SEM1: variants seen among roughly 807,000 people sequenced by gnomAD.
SEM1 encodes the protein 26S proteasome complex subunit SEM1.
In SEM1, 3 loss-of-function variants were observed where a neutral mutation model predicts 12.7. The observed-to-expected ratio is 0.24, with a 90% CI of 0.11 to 0.61. The LOEUF (loss-of-function observed/expected upper bound fraction) is 0.61, where lower values mean the gene tolerates loss of function less well. SEM1 is among the 20% of genes least tolerant of loss of function. SEM1 has a pLI of 0.88. For synonymous variants in SEM1, 30 were observed against 27.8 expected, an observed-to-expected ratio of 1.08 and a Z score of -0.25; for missense variants, 59 against 81.3, an observed-to-expected ratio of 0.73 and a Z score of 1.06.
intron 2 of SEM1, among the ~76,000 whole-genome samples, chr7:96,579,821 G>T (rs1006399806): frequency 1.3e-5 from 2 of 152,106 alleles, no homozygotes; most frequent in African/African-American, 4.8e-5. Flanking sequence ...TTGAGCTATA[G>T]CCACCTAAGA....
chr7:96,582,435 T>G (rs1326379362), intron 2 of SEM1, among the ~76,000 whole-genome samples: 1 of 150,538 alleles, frequency 6.6e-6, no homozygotes, highest in Non-Finnish European at 1.5e-5. Context: ...AAAATTCTCT[T>G]TTTTGGTTGT....
In SEM1 at chr7:96,533,267, A is replaced by G. The variant is rs563672754; in HGVS notation, c.171-26569T>C. Among the ~76,000 whole-genome samples, 4 of 152,088 alleles carry G rather than the reference A, an allele frequency of 2.6e-5. No homozygotes were observed. In the South Asian group the frequency reaches 8.3e-4, roughly 32 times the overall value. ...TGTGTATTCAGGAATGGCAAAACCC[A>G]TGCTGACCTTGGCTCCATTGCTAGT... On this transcript the variant is annotated intron_variant and NMD_transcript_variant, in intron 2 of 3. Coordinates refer to the SEM1 transcript ENST00000466986.
At chr7:96,679,115 A>C (rs148772734) in intron 2 of SEM1, among the ~76,000 whole-genome samples, 1,568 of 152,260 alleles carry the variant, frequency 0.01, 91 homozygotes, top group Admixed American at 0.083. Flanking sequence ...TATGTCCCTG[A>C]AACCAAAGTA....
intron 2 of SEM1, among the ~76,000 whole-genome samples, chr7:96,651,391 A>AT (rs1808977817): frequency 1.3e-5 from 2 of 151,312 alleles, no homozygotes; most frequent in African/African-American, 4.9e-5. Flanking sequence ...TATCCAAACT[A>AT]TCAAATGCAA....
intron 2 of SEM1, among the ~76,000 whole-genome samples, chr7:96,568,948 T>C (rs554913701): frequency 6.6e-6 from 1 of 152,036 alleles, no homozygotes. Flanking sequence ...TAACATATTG[T>C]AAGTAATTAC....
At chr7:96,596,494 G>A (rs1246086995) in intron 2 of SEM1, among the ~76,000 whole-genome samples, 1 of 152,198 alleles carries the variant, frequency 6.6e-6, no homozygotes, top group Non-Finnish European at 1.5e-5. Context: ...GTCCAATTCA[G>A]GAGGCCGTGT....
Position 96,483,913 on chromosome 7 carries a change from AG to A in SEM1, c.332del (p.Pro111LeufsTer37). The stretch of plus-strand genomic sequence containing the variant: ...TGTAGAGGTCACCCGAATGGCAGCC[AG>A]GCAGGCAAGAACAATCTTCACAGTG... On this transcript the variant is annotated frameshift_variant, in exon 4 of 4. Coordinates refer to the SEM1 transcript ENST00000356686. LOFTEE classifies it high-confidence loss of function. 5.9e-6 allele frequency: 9 copies of A among 1,536,778 alleles called. No homozygotes were observed. The highest frequency in any genetic ancestry group is 7.8e-6 in the Non-Finnish European group (9 of 1,146,562).
chr7:96,677,654 ACTAT>A (rs1391529475), intron 2 of SEM1, among the ~76,000 whole-genome samples: 9 of 152,120 alleles, frequency 5.9e-5, no homozygotes, highest in Non-Finnish European at 1.0e-4. Flanking sequence ...CAGAGCAGGA[ACTAT>A]TCAGTGGTCT....
chr7:96,492,303 C>T (rs1442471348), intron 1 of SEM1, among the ~76,000 whole-genome samples: 1 of 152,142 alleles, frequency 6.6e-6, no homozygotes, highest in Non-Finnish European at 1.5e-5. Flanking sequence ...ATTACAGGTA[C>T]CACATACAAG....
At chr7:96,494,438 AT>A (rs142601020) in intron 1 of SEM1, among the ~76,000 whole-genome samples, 35 of 150,822 alleles carry the variant, frequency 2.3e-4, no homozygotes, top group South Asian at 1.1e-3. Context: ...TAATAAAGAG[AT>A]TTTTTTTTTC....
chr7:96,597,910 T>C (rs1807056200), intron 2 of SEM1, among the ~76,000 whole-genome samples: 1 of 152,150 alleles, frequency 6.6e-6, no homozygotes, highest in Non-Finnish European at 1.5e-5. Context: ...TATATATAGT[T>C]CTCACCTACT....
chr7:96,512,319 G>A (rs1256682754), intron 2 of SEM1, among the ~76,000 whole-genome samples: 3 of 152,040 alleles, frequency 2.0e-5, no homozygotes, highest in Non-Finnish European at 4.4e-5. Flanking sequence ...CTTGGAAGAA[G>A]TGAGACTCTT....
At chr7:96,486,230 G>A (rs1052064595) in exon 2 of SEM1, 8 of 1,535,204 alleles carry the variant, frequency 5.2e-6, no homozygotes, top group South Asian at 2.4e-5. Context: ...CTCTGTTGTC[G>A]CTCTGGAGTT....
At chr7:96,689,587 C>A (rs1320405149) in intron 2 of SEM1, among the ~76,000 whole-genome samples, 1 of 152,188 alleles carries the variant, frequency 6.6e-6, no homozygotes, top group Admixed American at 6.5e-5. Flanking sequence ...ATAAGATAGA[C>A]ATTTGTTCTC....
chr7:96,663,191 C>T (rs1789066661), intron 2 of SEM1, among the ~76,000 whole-genome samples: 1 of 151,192 alleles, frequency 6.6e-6, no homozygotes, highest in African/African-American at 2.4e-5. Context: ...GATTAGAAAA[C>T]ATGTTGATAA....
chr7:96,622,309 T>C (rs1397300959), downstream of SEM1: 3 of 388,806 alleles, frequency 7.7e-6, no homozygotes, highest in Non-Finnish European at 1.4e-5. Context: ...GTTCAATAAA[T>C]GCTTGAAGCT....
chr7:96,558,651 A>G (rs954502673), intron 2 of SEM1, among the ~76,000 whole-genome samples: 2 of 152,154 alleles, frequency 1.3e-5, no homozygotes, highest in Admixed American at 6.5e-5. Flanking sequence ...AATAAATATG[A>G]AGTGAAAAGA....
chr7:96,630,132 G>T (rs987692577), intron 2 of SEM1, among the ~76,000 whole-genome samples: 4 of 152,156 alleles, frequency 2.6e-5, no homozygotes, highest in African/African-American at 9.7e-5. Context: ...CCAGTCCTTG[G>T]CTGCAGCTTA....
At chr7:96,576,665 T>C (rs1806212995) in intron 2 of SEM1, among the ~76,000 whole-genome samples, 2 of 152,202 alleles carry the variant, frequency 1.3e-5, no homozygotes. Flanking sequence ...CCTCTACCTC[T>C]CTTTCCTCAA....
Sources: gnomAD v4.1 joint callset for allele counts (sites outside exome capture counted in the v4.1 genomes callset) on GRCh38, gnomAD v4.1.1 for gene constraint, MANE v1.5 for transcripts, NCBI Gene and HGNC (gene_info 2026-07-23, HGNC 2026-07-21) for gene names.